POLN: variants seen among roughly 807,000 people sequenced by gnomAD.
The protein encoded by POLN is DNA polymerase nu.
A neutral mutation model predicts 113.5 loss-of-function variants in POLN; 108 were observed. That is an observed-to-expected ratio of 0.95 (90% CI 0.81 to 1.12). The LOEUF (loss-of-function observed/expected upper bound fraction) is 1.12. Among genes scored for constraint, POLN ranks in the 50% most tolerant of loss-of-function variants. The pLI is 0.00. For synonymous variants in POLN, 386 were observed against 391.5 expected, an observed-to-expected ratio of 0.99 and a Z score of 0.17; for missense variants, 1,097 against 1,077.1, an observed-to-expected ratio of 1.02 and a Z score of -0.26.
chr4:2,225,813 C>T (rs556857291), intron 3 of POLN, among the ~76,000 whole-genome samples: 1 of 151,764 alleles, frequency 6.6e-6, no homozygotes, highest in African/African-American at 2.4e-5. Flanking sequence ...CCAGCCTGGG[C>T]AACATAGCAA....
intron 3 of POLN, among the ~76,000 whole-genome samples, chr4:2,223,671 G>GTAC (rs1163445595): frequency 2.8e-4 from 43 of 152,304 alleles, no homozygotes; most frequent in African/African-American, 1.0e-3. Context: ...TGTACAGCAT[G>GTAC]TACTAGGCTA....
chr4:2,233,586 C>T (rs1419559370), intron 2 of POLN, among the ~76,000 whole-genome samples: 1 of 152,008 alleles, frequency 6.6e-6, no homozygotes, highest in African/African-American at 2.4e-5. Context: ...AACTCTGAGT[C>T]AAAAAATAAC....
intron 7 of POLN, among the ~76,000 whole-genome samples, chr4:2,189,260 T>C (rs1246888554): frequency 6.6e-6 from 1 of 152,246 alleles, no homozygotes. Flanking sequence ...GACACAACTA[T>C]TTCCTGCTTA....
chr4:2,192,886 A>T (rs1006233760), intron 7 of POLN, among the ~76,000 whole-genome samples: 3 of 151,752 alleles, frequency 2.0e-5, no homozygotes, highest in Non-Finnish European at 2.9e-5. Context: ...GATGTTAATT[A>T]CTCTGGACTG....
chr4:2,080,650 C>T (rs1461622869), intron 23 of POLN: 1 of 1,292,272 alleles, frequency 7.7e-7, no homozygotes, highest in Admixed American at 3.3e-5. Flanking sequence ...GGTTCGCCTG[C>T]CTCTGGGGTG....
chr4:2,109,217 C>A (rs976931672), intron 19 of POLN, among the ~76,000 whole-genome samples: 12 of 152,146 alleles, frequency 7.9e-5, no homozygotes, highest in Non-Finnish European at 1.6e-4. Context: ...ACCTCTGAAG[C>A]AGGGTTAATC....
chr4:2,142,108 A>G (rs1732016878), intron 16 of POLN, among the ~76,000 whole-genome samples: 1 of 152,216 alleles, frequency 6.6e-6, no homozygotes, highest in South Asian at 2.1e-4. Context: ...CTCTAAAAAT[A>G]CAAGGCTTTG....
At chr4:2,217,813 T>C (rs941675695) in intron 3 of POLN, among the ~76,000 whole-genome samples, 4 of 152,182 alleles carry the variant, frequency 2.6e-5, no homozygotes, top group Admixed American at 2.6e-4. Context: ...AGCCACTTGC[T>C]TCACAGCCTA....
intron 7 of POLN, among the ~76,000 whole-genome samples, chr4:2,187,472 G>A (rs1733308814): frequency 6.6e-6 from 1 of 152,222 alleles, no homozygotes; most frequent in East Asian, 1.9e-4. Flanking sequence ...TCGAACTCCT[G>A]ACCTCAAGTG....
chr4:2,211,100 A>T (rs2108765548), intron 4 of POLN, among the ~76,000 whole-genome samples: 1 of 148,596 alleles, frequency 6.7e-6, no homozygotes, highest in East Asian at 2.0e-4. Context: ...AAAACACAAA[A>T]ATTAGCTGGG....
At chr4:2,111,796 G>A (rs1197470967) in intron 19 of POLN, among the ~76,000 whole-genome samples, 1 of 152,136 alleles carries the variant, frequency 6.6e-6, no homozygotes, top group South Asian at 2.1e-4. Context: ...AATCAATATC[G>A]TGAAAATGGC....
intron 4 of POLN, 77 bp downstream of exon 4, chr4:2,212,970 A>G: frequency 5.0e-6 from 5 of 992,056 alleles, no homozygotes; most frequent in Non-Finnish European, 7.4e-6. Context: ...TGCCTAGCAC[A>G]CAGTAGAACA....
intron 16 of POLN, among the ~76,000 whole-genome samples, chr4:2,155,556 A>T (rs1016618844): frequency 1.3e-5 from 2 of 152,158 alleles, no homozygotes; most frequent in African/African-American, 4.8e-5. Context: ...CCTGACCCTT[A>T]ATGGAGGGAA....
chr4:2,177,649 A>G (rs779207419), intron 8 of POLN, among the ~76,000 whole-genome samples: 2 of 152,222 alleles, frequency 1.3e-5, no homozygotes, highest in African/African-American at 2.4e-5. Flanking sequence ...TAACCTTTCT[A>G]TACCTCAGTT....
chr4:2,130,637 G>A (rs1388667830), intron 17 of POLN, among the ~76,000 whole-genome samples: 1 of 152,160 alleles, frequency 6.6e-6, no homozygotes, highest in Non-Finnish European at 1.5e-5. Flanking sequence ...ATAAGCACCA[G>A]TGCTATTATA....
chr4:2,099,104 G>T (rs932098879), intron 19 of POLN, among the ~76,000 whole-genome samples: 10 of 152,168 alleles, frequency 6.6e-5, no homozygotes. Context: ...GGATTCAAAG[G>T]ATTAAATAAA....
At chr4:2,085,527 G>T in intron 21 of POLN, 86 bp downstream of exon 21, 2 of 1,565,634 alleles carry the variant, frequency 1.3e-6, no homozygotes, top group Non-Finnish European at 1.7e-6. Context: ...CCCAGGGCCC[G>T]CCTGCACACC....
intron 5 of POLN, among the ~76,000 whole-genome samples, chr4:2,205,508 A>G (rs1207909293): frequency 6.6e-6 from 1 of 152,184 alleles, no homozygotes; most frequent in Non-Finnish European, 1.5e-5. Flanking sequence ...AAATGACCAT[A>G]CTGCCAAAAG....
At chr4:2,235,380 G>C (rs1295440418) in intron 2 of POLN, among the ~76,000 whole-genome samples, 1 of 152,194 alleles carries the variant, frequency 6.6e-6, no homozygotes, top group African/African-American at 2.4e-5. Flanking sequence ...GAAATAACAA[G>C]TGTTGGCAAA....
Sources: allele counts gnomAD v4.1 joint callset (sites outside exome capture counted in the v4.1 genomes callset), GRCh38; gene constraint gnomAD v4.1.1; transcripts MANE v1.5; gene names NCBI Gene and HGNC (gene_info 2026-07-23, HGNC 2026-07-21).